The following PRDM14 variants were observed in gnomAD, a reference collection of about 807,000 sequenced individuals.
PRDM14 encodes PR/SET domain 14.
PRDM14 carries 16 observed loss-of-function variants against 48.0 expected under a neutral mutation model. The ratio of observed to expected loss-of-function variants is 0.33; its 90% CI spans 0.23 to 0.51. PRDM14 has a LOEUF of 0.51. Among genes scored for constraint, PRDM14 ranks in the 20% least tolerant of loss-of-function variants. PRDM14 has a pLI of 0.97. For synonymous variants in PRDM14, 264 were observed against 276.6 expected (o/e 0.95, Z 0.45); for missense variants, 566 against 719.6 (o/e 0.79, Z 2.44).
At chr8:70,053,730 C>T (rs1805426285) in intron 7 of PRDM14, among the ~76,000 whole-genome samples, 1 of 152,148 alleles carries the variant, frequency 6.6e-6, no homozygotes, top group African/African-American at 2.4e-5. Context: ...ATTCTATTGA[C>T]ACACACTTTG....
At chr8:70,070,470 G>A (rs981683415) in intron 1 of PRDM14, among the ~76,000 whole-genome samples, 11 of 152,272 alleles carry the variant, frequency 7.2e-5, no homozygotes, top group East Asian at 3.9e-4. Flanking sequence ...AGAGCCCCCG[G>A]GCAGGTCCAG....
At chr8:70,057,874 G>A (rs531812349) in intron 6 of PRDM14, among the ~76,000 whole-genome samples, 15 of 152,288 alleles carry the variant, frequency 9.8e-5, no homozygotes, top group African/African-American at 3.6e-4. Flanking sequence ...AGCTTAGGAA[G>A]GAAGGGAGAA....
intron 2 of PRDM14, 93 bp from the exon 3 acceptor site, chr8:70,068,625 C>T: frequency 4.0e-6 from 4 of 993,644 alleles, no homozygotes; most frequent in Non-Finnish European, 4.7e-6. Flanking sequence ...CTAAAGGTAA[C>T]CATCATCCCA....
At chr8:70,055,485 G>A (rs996550258) in intron 6 of PRDM14, 84 bp from the exon 7 acceptor site, 7 of 736,202 alleles carry the variant, frequency 9.5e-6, no homozygotes, top group South Asian at 1.7e-5. Context: ...TGGGGTTAGA[G>A]AAGAACTCTT....
intron 6 of PRDM14, among the ~76,000 whole-genome samples, chr8:70,056,816 C>CAAAAAAA (rs761330044): frequency 1.3e-5 from 1 of 75,376 alleles, no homozygotes; most frequent in African/African-American, 5.0e-5. Flanking sequence ...GAGACTGTCT[C>CAAAAAAA]AAAAAAAAAA....
At chr8:70,054,079 C>T (rs541435419) in intron 7 of PRDM14, among the ~76,000 whole-genome samples, 1 of 152,328 alleles carries the variant, frequency 6.6e-6, no homozygotes, top group South Asian at 2.1e-4. Flanking sequence ...GCGAACTGCA[C>T]ATTGGGTAGC....
In PRDM14 at chr8:70,065,775, C is replaced by CT. The variant is rs60019808; in HGVS notation, c.1183+459dup. Among the ~76,000 whole-genome samples the CT allele has an allele frequency of 2.5e-3, 358 of 144,192 alleles. 3 individuals carry two copies. Among genetic ancestry groups the CT allele is most frequent in the East Asian group, 0.021 (105 of 4,960 alleles). The allele number at this position is 144,192 out of a possible 152,430, so 94.6% of individuals were successfully genotyped here. On this transcript the variant is annotated intron_variant, in intron 5 of 7. Coordinates refer to ENST00000276594, the MANE Select transcript of PRDM14 (RefSeq NM_024504.4). ...TCAATATTTTCTATTCTACTCTATACTTTTTTTTTTTTTTAATGTGGGTCT... is the reference window on the plus strand; with the variant it reads ...TCAATATTTTCTATTCTACTCTATACTTTTTTTTTTTTTTTAATGTGGGTCT...
In PRDM14 at chr8:70,071,097, G is replaced by T. The variant is rs894295414; in HGVS notation, c.-25+53C>A. 1.3e-5 allele frequency: 2 copies of T among 152,002 alleles called. No homozygotes were observed. The highest frequency in any genetic ancestry group is 2.4e-5 in the African/African-American group (1 of 41,336). 9.4% of individuals were successfully genotyped at this position (152,002 alleles called of 1,614,324 possible). On this transcript the variant is annotated intron_variant, in intron 1 of 7. Transcript: ENST00000276594. This position sits in a 1 kb window ranked among gnomAD's most constrained non-coding sequence, Gnocchi z 5.2. ...AGCGAGTGCTGCCGCCCTCCCCAAC[G>T]GCCCTGGAAGACCACCGCCCCGGGC...
intron 5 of PRDM14, among the ~76,000 whole-genome samples, chr8:70,059,718 A>G (rs1275316205): frequency 1.3e-5 from 2 of 152,248 alleles, no homozygotes; most frequent in South Asian, 2.1e-4. Context: ...ACCGCTCGCC[A>G]TAGTAGATTA....
In PRDM14 at chr8:70,058,681, T is replaced by C; in HGVS notation, c.1345A>G (p.Ile449Val). The C allele has an allele frequency of 1.2e-6, 2 of 1,614,048 alleles. No homozygotes were observed. The highest frequency in any genetic ancestry group is 1.7e-6 in the Non-Finnish European group (2 of 1,179,954). ...RSFEKRDRLR[I>V]HILHVHEKHR... ...TTCTCATGAACATGAAGAATGTGGATCCGAAGCCGGTCCCGCTTCTCAAAG... is the reference window on the plus strand; with the variant it reads ...TTCTCATGAACATGAAGAATGTGGACCCGAAGCCGGTCCCGCTTCTCAAAG... The change falls in exon 6 of 8, where the codon ATC becomes GTC. Residue 449 changes from isoleucine to valine, a missense_variant. By Grantham distance (29) the Ile-to-Val change is conservative. Coordinates refer to ENST00000276594, the MANE Select transcript of PRDM14 (RefSeq NM_024504.4).
rs751315940 is a variant in PRDM14 at position 70,069,476 on chromosome 8, G to A, written c.385C>T (p.Leu129=). The A allele has an allele frequency of 6.3e-7, 1 of 1,581,692 alleles. No individual in the cohort carries two copies. The highest frequency in any genetic ancestry group is 8.6e-7 in the Non-Finnish European group (1 of 1,162,022). The part of the protein sequence containing the change: ...HEYAGASSED[L]GHQIIGGDNE... ...TCGCCACCAATGATTTGGTGGCCCAGATCTTCACTGCTGGCACCCGCGTAC... is the reference window on the plus strand; with the variant it reads ...TCGCCACCAATGATTTGGTGGCCCAAATCTTCACTGCTGGCACCCGCGTAC... Residue 129 remains leucine, a synonymous_variant, in exon 2 of 8, where the codon CTG becomes TTG. Coordinates refer to ENST00000276594, the MANE Select transcript of PRDM14 (RefSeq NM_024504.4).
In PRDM14 at chr8:70,052,212, T is replaced by C; in HGVS notation, c.1581A>G (p.Ala527=). ...FKCKYCGKSF[A]SHAAHDSHVR... ...CATGGCTGTCATGGGCAGCATGGGATGCAAAAGATTTACCACAGTACTTGC... is the reference window on the plus strand; with the variant it reads ...CATGGCTGTCATGGGCAGCATGGGACGCAAAAGATTTACCACAGTACTTGC... Residue 527 remains alanine, a synonymous_variant, in exon 8 of 8, where the codon GCA becomes GCG. Transcript: ENST00000276594. The C allele has an allele frequency of 3.1e-6, 5 of 1,614,118 alleles. No individual in the cohort carries two copies. The East Asian group carries it at 8.9e-5, about 29-fold the overall frequency.
At chr8:70,065,256 G>A (rs888615669) in intron 5 of PRDM14, among the ~76,000 whole-genome samples, 5 of 151,954 alleles carry the variant, frequency 3.3e-5, no homozygotes, top group Admixed American at 1.3e-4. Flanking sequence ...GCCCATCTCC[G>A]CCTCCAAAAG....
chr8:70,060,977 T>C (rs1805572147), intron 5 of PRDM14, among the ~76,000 whole-genome samples: 1 of 152,246 alleles, frequency 6.6e-6, no homozygotes, highest in South Asian at 2.1e-4. Context: ...ACTTCCCTAA[T>C]GCACAGGGTT....
rs561162769 is a variant in PRDM14, at chr8:70,059,718, ATAG to A, written c.1184-879_1184-877del. Among the ~76,000 whole-genome samples the A allele has an allele frequency of 2.0e-4, 31 of 152,366 alleles. No homozygotes were observed. In the South Asian group the frequency reaches 4.3e-3, roughly 21 times the overall value. On this transcript the variant is annotated intron_variant, in intron 5 of 7. Transcript: ENST00000276594. ...GTTTTCATTTATATCACCGCTCGCC[ATAG>A]TAGATTATTTTAATACTAATTCATC...
chr8:70,060,826 A>C (rs1344992570), intron 5 of PRDM14, among the ~76,000 whole-genome samples: 2 of 152,214 alleles, frequency 1.3e-5, no homozygotes, highest in Non-Finnish European at 2.9e-5. Context: ...CAGAGCAGTC[A>C]CCAGGACACC....
intron 5 of PRDM14, among the ~76,000 whole-genome samples, chr8:70,059,442 T>G (rs1031790877): frequency 6.6e-6 from 1 of 151,870 alleles, no homozygotes; most frequent in Non-Finnish European, 1.5e-5. Context: ...CAGCTAATTT[T>G]TGTATTTTTA....
chr8:70,052,141 C>T lies in PRDM14; in HGVS notation c.1652G>A (p.Cys551Tyr), dbSNP rs1374126139. 2 of 1,613,136 alleles carry T rather than the reference C, an allele frequency of 1.2e-6. No individual in the cohort carries two copies. The highest frequency in any genetic ancestry group is 1.7e-6 in the Non-Finnish European group (2 of 1,179,870). ...TTCTTGATCTGAGAAGATTTTCCCA[C>T]AGATGCTGCATGAGCAGCCATCATC... ...KEDDGCSCSI[C>Y]GKIFSDQETF... is the part of the protein sequence containing the mutation. The change falls in exon 8 of 8, where the codon TGT (cysteine) becomes TAT (tyrosine). Residue 551 changes from cysteine (C) to tyrosine (Y), a missense_variant. By Grantham distance (194) the Cys-to-Tyr change is radical. Transcript: ENST00000276594.
chr8:70,069,899 G>C lies in PRDM14; in HGVS notation c.-24-15C>G, dbSNP rs1436922415. The C allele has an allele frequency of 2.0e-6, 3 of 1,492,060 alleles. No individual in the cohort carries two copies. The highest frequency in any genetic ancestry group is 9.0e-7 in the Non-Finnish European group (1 of 1,110,112). The allele number at this position is 1,492,060 out of a possible 1,614,324, so 92.4% of individuals were successfully genotyped here. On this transcript the variant is annotated splice_polypyrimidine_tract_variant and intron_variant, in intron 1 of 7. Transcript: ENST00000276594. ...GCTCGGCGGCTCTGCAGAAAAGCGG[G>C]CGCCGCTGAGGACACCGCGCGGGAG... is the stretch of plus-strand genomic sequence containing the variant.
Sources: gnomAD v4.1 joint callset for allele counts (sites outside exome capture counted in the v4.1 genomes callset) on GRCh38, gnomAD v4.1.1 for gene constraint, Gnocchi (gnomAD v3.1) non-coding constraint, MANE v1.5 for transcripts, NCBI Gene and HGNC (gene_info 2026-07-23, HGNC 2026-07-21) for gene names.